WDR47: variants seen among roughly 807,000 people sequenced by gnomAD.
WDR47 encodes WD repeat domain 47.
A neutral mutation model predicts 97.2 loss-of-function variants in WDR47; 32 were observed. The observed-to-expected ratio is 0.33, with a 90% CI of 0.25 to 0.44. WDR47 has a LOEUF of 0.44. Ranked by LOEUF, WDR47 falls within the 20% of genes least tolerant of loss-of-function variation. The pLI is 1.00. For synonymous variants in WDR47, 375 were observed against 373.5 expected, an observed-to-expected ratio of 1.00 and a Z score of -0.05; for missense variants, 782 against 1,102.3, an observed-to-expected ratio of 0.71 and a Z score of 4.11.
Position 109,004,697 on chromosome 1 carries a change from T to A in WDR47, c.1149A>T (p.Ala383=). ...ESPERDTPVD[A]QRPIGSEILG... is the part of the protein sequence containing the mutation. ...AGATTTCACTGCCGATAGGCCTCTGTGCATCAACAGGTGTATCACTTCTTC... is the reference window on the plus strand; with the variant it reads ...AGATTTCACTGCCGATAGGCCTCTGAGCATCAACAGGTGTATCACTTCTTC... Residue 383 remains alanine, a synonymous_variant, in exon 6 of 15, where the codon GCA becomes GCT. Coordinates refer to ENST00000369962, the MANE Select transcript of WDR47 (RefSeq NM_001142551.2). 1 of 1,610,008 alleles carries A rather than the reference T, an allele frequency of 6.2e-7. No individual in the cohort carries two copies. The highest frequency in any genetic ancestry group is 8.5e-7 in the Non-Finnish European group (1 of 1,178,104).
intron 8 of WDR47, 151 bp downstream of exon 8, chr1:108,995,429 G>C: frequency 1.2e-6 from 1 of 849,026 alleles, no homozygotes; most frequent in Non-Finnish European, 1.8e-6. Flanking sequence ...TGGTAGAAGA[G>C]AATATAGACA....
chr1:109,013,384 A>G (rs2101953979), intron 4 of WDR47, among the ~76,000 whole-genome samples: 1 of 152,316 alleles, frequency 6.6e-6, no homozygotes, highest in East Asian at 1.9e-4. Flanking sequence ...TTTAAAAGTC[A>G]CTTTACTAAT....
At chr1:109,005,784 G>A (rs200670397) in intron 5 of WDR47, among the ~76,000 whole-genome samples, 1 of 152,000 alleles carries the variant, frequency 6.6e-6, no homozygotes, top group East Asian at 1.9e-4. Context: ...CAAGAGAATC[G>A]CTTGAACCAG....
intron 10 of WDR47, among the ~76,000 whole-genome samples, chr1:108,983,720 T>C (rs1386210373): frequency 2.0e-5 from 3 of 152,014 alleles, no homozygotes; most frequent in Admixed American, 6.6e-5. Context: ...CCGTTTCTCA[T>C]ATTTTTCATG....
chr1:109,004,448 A>G, intron 6 of WDR47, 144 bp downstream of exon 6: 1 of 1,035,060 alleles, frequency 9.7e-7, no homozygotes, highest in Non-Finnish European at 1.3e-6. Flanking sequence ...AAGAGAGGAG[A>G]GAAAATAAGC....
chr1:109,003,787 G>A (rs992058755), intron 6 of WDR47, among the ~76,000 whole-genome samples: 1 of 152,090 alleles, frequency 6.6e-6, no homozygotes, highest in Non-Finnish European at 1.5e-5. Context: ...CTACAGGCAT[G>A]AGCCACCATA....
At chr1:108,980,152 C>A (rs956898060) in intron 13 of WDR47, among the ~76,000 whole-genome samples, 1 of 151,842 alleles carries the variant, frequency 6.6e-6, no homozygotes, top group Admixed American at 6.6e-5. Flanking sequence ...CTGTCTTCCA[C>A]GAAACTGATT....
At chr1:109,018,796 AGAGT>A (rs1268380532) in intron 2 of WDR47, among the ~76,000 whole-genome samples, 2 of 151,808 alleles carry the variant, frequency 1.3e-5, no homozygotes, top group Non-Finnish European at 2.9e-5. Context: ...CCTGGGCAAC[AGAGT>A]GAGACCCTGT....
Position 109,023,954 on chromosome 1 carries a change from T to C in WDR47, c.-9-433A>G, listed in dbSNP as rs1390376191. ...TAAAAAGTCATTAATAACCAAACCA[T>C]GTTTAGCTATGTCCCAAATACATTG... On this transcript the variant is annotated intron_variant, in intron 1 of 14. Transcript: ENST00000369962. Among the ~76,000 whole-genome samples the C allele has an allele frequency of 3.3e-5, 5 of 152,338 alleles. No homozygotes were observed. The South Asian group carries it at 8.3e-4, about 25-fold the overall frequency.
chr1:108,973,768 C>T (rs1215355367), intron 14 of WDR47, among the ~76,000 whole-genome samples: 1 of 151,866 alleles, frequency 6.6e-6, no homozygotes, highest in Admixed American at 6.6e-5. Flanking sequence ...GATGTAGTTC[C>T]AGCTATTCGG....
chr1:109,030,065 C>A (rs750020724), intron 1 of WDR47: 4 of 619,596 alleles, frequency 6.5e-6, no homozygotes, highest in South Asian at 3.0e-5. Flanking sequence ...CACAGGAGAA[C>A]ATGCCTCTCG....
At chr1:109,029,307 G>A (rs1382570771) in intron 1 of WDR47, among the ~76,000 whole-genome samples, 4 of 151,732 alleles carry the variant, frequency 2.6e-5, no homozygotes, top group Admixed American at 1.3e-4. Context: ...GGTGGATCAC[G>A]AGGTCAGGAG....
At chr1:108,972,341 C>G (rs542417) in intron 14 of WDR47, among the ~76,000 whole-genome samples, 2,408 of 152,224 alleles carry the variant, frequency 0.016, 73 homozygotes, top group African/African-American at 0.054. Context: ...TTCCAACAGC[C>G]TCCTCACTGA....
intron 8 of WDR47, among the ~76,000 whole-genome samples, chr1:108,992,104 CAA>C (rs1178504228): frequency 2.0e-5 from 3 of 151,618 alleles, no homozygotes; most frequent in Non-Finnish European, 4.4e-5. Flanking sequence ...ACAAAAGCTA[CAA>C]AAATGTAATT....
intron 1 of WDR47, among the ~76,000 whole-genome samples, chr1:109,027,131 T>C (rs186141218): frequency 1.4e-4 from 22 of 152,188 alleles, no homozygotes; most frequent in African/African-American, 4.6e-4. Flanking sequence ...CTCGGCTGGC[T>C]GCAACCTCCG....
chr1:109,015,824 A>T (rs1174155327), intron 3 of WDR47, among the ~76,000 whole-genome samples: 1 of 151,236 alleles, frequency 6.6e-6, no homozygotes, highest in Non-Finnish European at 1.5e-5. Flanking sequence ...CATTTCTAAC[A>T]ATACAAAAAT....
intron 5 of WDR47, among the ~76,000 whole-genome samples, chr1:109,006,388 C>T (rs750017970): frequency 1.9e-4 from 29 of 152,056 alleles, no homozygotes; most frequent in Non-Finnish European, 2.9e-5. Context: ...AGCTAGACTC[C>T]GTTTCAAAAA....
chr1:108,981,766 C>T lies in WDR47; in HGVS notation c.2365G>A (p.Val789Ile), dbSNP rs1195994955. 1 of 1,613,300 alleles carries T rather than the reference C, an allele frequency of 6.2e-7. No individual in the cohort carries two copies. Among genetic ancestry groups the T allele is most frequent in the Non-Finnish European group, 8.5e-7 (1 of 1,179,710 alleles). The change falls in exon 13 of 15, where the codon GTT (valine) becomes ATT (isoleucine). Residue 789 changes from valine (V) to isoleucine (I), a missense_variant. Val to Ile is a conservative substitution (Grantham distance 29). Transcript: ENST00000369962. Reference protein sequence around the residue: ...RFWDLRVPSCVRVVGTTFHGT... With the variant: ...RFWDLRVPSCIRVVGTTFHGT... ...TGAAATGTTGTGCCAACAACACGAA[C>T]ACAACTTGGTACTCGAAGATCCCAA...
intron 1 of WDR47, 96 bp from the exon 2 acceptor site, chr1:109,023,617 C>A: frequency 8.2e-7 from 1 of 1,216,742 alleles, no homozygotes; most frequent in Non-Finnish European, 1.1e-6. Flanking sequence ...TACTGGGAAT[C>A]TTTAGTACAC....
Sources: gnomAD v4.1 joint callset for allele counts (sites outside exome capture counted in the v4.1 genomes callset) on GRCh38, gnomAD v4.1.1 for gene constraint, MANE v1.5 for transcripts, NCBI Gene and HGNC (gene_info 2026-07-23, HGNC 2026-07-21) for gene names.